IMPG2: variants seen among roughly 807,000 people sequenced by gnomAD.
The protein encoded by IMPG2 is IPM 200.
Under a neutral mutation model 129.2 loss-of-function variants are expected in IMPG2, and 91 were observed. The observed-to-expected ratio is 0.70, with a 90% CI of 0.59 to 0.84. The LOEUF (loss-of-function observed/expected upper bound fraction) is 0.84, where lower values mean the gene tolerates loss of function less well. IMPG2 is among the 40% of genes least tolerant of loss of function. IMPG2 has a pLI of 0.00. For missense variants in IMPG2, 1,430 were observed against 1,461.7 expected (o/e 0.98, Z 0.35); for synonymous variants, 510 against 517.7 (o/e 0.99, Z 0.20).
chr3:101,317,781 G>A (rs1559662273), intron 2 of IMPG2, among the ~76,000 whole-genome samples: 2 of 151,948 alleles, frequency 1.3e-5, no homozygotes, highest in African/African-American at 4.8e-5. Flanking sequence ...ATTTTTGTCA[G>A]CTTCTTTTTC....
At chr3:101,263,085 C>G (rs1473107802) in intron 9 of IMPG2, among the ~76,000 whole-genome samples, 1 of 151,892 alleles carries the variant, frequency 6.6e-6, no homozygotes, top group East Asian at 1.9e-4. Context: ...GAGATAGACC[C>G]CAATACAATA....
chr3:101,287,404 T>C (rs1706959789), intron 4 of IMPG2, among the ~76,000 whole-genome samples: 1 of 152,142 alleles, frequency 6.6e-6, no homozygotes, highest in Non-Finnish European at 1.5e-5. Context: ...AAAATTCATG[T>C]GGAACCAAAA....
intron 2 of IMPG2, among the ~76,000 whole-genome samples, chr3:101,315,874 A>C (rs150692732): frequency 3.8e-4 from 58 of 151,906 alleles, no homozygotes; most frequent in African/African-American, 1.3e-3. Context: ...TGACTATCTG[A>C]TTCAAGACCT....
intron 4 of IMPG2, among the ~76,000 whole-genome samples, chr3:101,288,842 T>C (rs1706974139): frequency 6.6e-6 from 1 of 152,198 alleles, no homozygotes; most frequent in Non-Finnish European, 1.5e-5. Context: ...TCCTTTCGAA[T>C]TGATTTCTCT....
In IMPG2 at chr3:101,273,642, T is replaced by G. The variant is rs886043617; in HGVS notation, c.767A>C (p.Glu256Ala). 3.7e-6 allele frequency: 6 copies of G among 1,614,070 alleles called. No individual in the cohort carries two copies. The African/African-American group carries it at 8.0e-5, about 22-fold the overall frequency. Residue 256 changes from glutamate (E) to alanine (A), a missense_variant, in exon 7 of 19, where the codon GAA becomes GCA. Coordinates refer to ENST00000193391, the MANE Select transcript of IMPG2 (RefSeq NM_016247.4). Reference sequence around the variant, plus strand: ...AAAGCTGGAGGAATCCTGTAGTTCTTCCCTGTACTGCTTCCCCAAAAGGTG... The same window carrying G: ...AAAGCTGGAGGAATCCTGTAGTTCTGCCCTGTACTGCTTCCCCAAAAGGTG... The part of the protein sequence containing the change: ...SIHLLGKQYR[E>A]ELQDSSSFHH...
intron 2 of IMPG2, among the ~76,000 whole-genome samples, chr3:101,306,102 G>A (rs1158623885): frequency 6.6e-6 from 1 of 152,148 alleles, no homozygotes; most frequent in East Asian, 1.9e-4. Flanking sequence ...GATACCATGG[G>A]TAACTTACCT....
chr3:101,300,223 T>C (rs1707125630), intron 3 of IMPG2, among the ~76,000 whole-genome samples: 1 of 152,230 alleles, frequency 6.6e-6, no homozygotes, highest in African/African-American at 2.4e-5. Context: ...GGTATACCTC[T>C]TGGGAGCAAG....
chr3:101,257,984 G>T (rs1271288273), intron 9 of IMPG2, among the ~76,000 whole-genome samples: 1 of 152,060 alleles, frequency 6.6e-6, no homozygotes, highest in African/African-American at 2.4e-5. Context: ...ATAGGGAAAA[G>T]AATTCTAAGG....
chr3:101,231,591 G>A (rs1318575665), intron 15 of IMPG2, among the ~76,000 whole-genome samples: 2 of 152,192 alleles, frequency 1.3e-5, no homozygotes. Flanking sequence ...GGAAATCACT[G>A]CTTTTCTAGG....
intron 3 of IMPG2, among the ~76,000 whole-genome samples, chr3:101,302,732 T>G (rs1329243051): frequency 6.6e-6 from 1 of 152,242 alleles, no homozygotes; most frequent in East Asian, 1.9e-4. Context: ...ACATAGTTAT[T>G]AATACTGAGC....
chr3:101,275,802 C>T (rs182101406), intron 5 of IMPG2, 57 bp from the exon 6 acceptor site: 1 of 1,282,240 alleles, frequency 7.8e-7, no homozygotes, highest in Non-Finnish European at 1.1e-6. Context: ...AGTCAGAATT[C>T]CTATCAGGAA....
chr3:101,319,525 A>T (rs2058800721), intron 2 of IMPG2, 59 bp downstream of exon 2: 1 of 1,599,904 alleles, frequency 6.3e-7, no homozygotes, highest in East Asian at 2.2e-5. Context: ...TTACCTAACA[A>T]ATGATTAAAC....
intron 8 of IMPG2, among the ~76,000 whole-genome samples, chr3:101,269,117 T>C (rs1706751162): frequency 6.6e-6 from 1 of 152,224 alleles, no homozygotes; most frequent in African/African-American, 2.4e-5. Flanking sequence ...AAACAAGGAC[T>C]AATGCATCCC....
rs1356851552 is a variant in IMPG2 at position 101,275,744 on chromosome 3, G to A, written c.585C>T (p.Asp195=). 1 of 1,612,672 alleles carries A rather than the reference G, an allele frequency of 6.2e-7. No individual in the cohort carries two copies. The highest frequency in any genetic ancestry group is 8.5e-7 in the Non-Finnish European group (1 of 1,178,864). Residue 195 remains aspartate, a splice_region_variant and synonymous_variant, in exon 6 of 19, where the codon GAC becomes GAT. Transcript: ENST00000193391. ...VPVGDTSTLG[D]TTLSVPHPEV... is the part of the protein sequence containing the mutation. Reference sequence around the variant, plus strand: ...CTGGATGTGGAACACTGAGAGTAGTGTCTAAGAAGAAAAGCAAAAACATAT... The same window carrying A: ...CTGGATGTGGAACACTGAGAGTAGTATCTAAGAAGAAAAGCAAAAACATAT...
chr3:101,279,811 T>C (rs1430808271), intron 4 of IMPG2, among the ~76,000 whole-genome samples: 1 of 152,206 alleles, frequency 6.6e-6, no homozygotes, highest in Non-Finnish European at 1.5e-5. Context: ...AATAACATTA[T>C]TTTAATAGTG....
At chr3:101,248,731 T>G (rs1369234112) in intron 11 of IMPG2, among the ~76,000 whole-genome samples, 1 of 152,238 alleles carries the variant, frequency 6.6e-6, no homozygotes, top group Non-Finnish European at 1.5e-5. Flanking sequence ...GCACTCTGTC[T>G]AACAATCTTA....
chr3:101,245,291 AT>A (rs1194209793), intron 12 of IMPG2, among the ~76,000 whole-genome samples: 1 of 151,904 alleles, frequency 6.6e-6, no homozygotes, highest in Non-Finnish European at 1.5e-5. Context: ...AGTCACATTT[AT>A]TTTTCCTTTC....
chr3:101,295,801 A>C, intron 3 of IMPG2, among the ~76,000 whole-genome samples: 1 of 152,016 alleles, frequency 6.6e-6, no homozygotes, highest in South Asian at 2.1e-4. Flanking sequence ...CTGTATTCCT[A>C]GGTATTTTAT....
intron 8 of IMPG2, among the ~76,000 whole-genome samples, chr3:101,269,251 GC>G: frequency 6.6e-6 from 1 of 152,284 alleles, no homozygotes; most frequent in South Asian, 2.1e-4. Flanking sequence ...CTTGTCAGCA[GC>G]AAGCTGGGGA....
Sources: gnomAD v4.1 joint callset for allele counts (sites outside exome capture counted in the v4.1 genomes callset) on GRCh38, gnomAD v4.1.1 for gene constraint, MANE v1.5 for transcripts, NCBI Gene and HGNC (gene_info 2026-07-23, HGNC 2026-07-21) for gene names.